The following CASP8 variants were observed in gnomAD, a reference collection of about 807,000 sequenced individuals.
CASP8 encodes the protein caspase 8.
Under a neutral mutation model 46.3 loss-of-function variants are expected in CASP8, and 24 were observed. That is an observed-to-expected ratio of 0.52 (90% CI 0.38 to 0.73). CASP8 has a LOEUF of 0.73. CASP8 is among the 30% of genes least tolerant of loss of function. The pLI, the probability that CASP8 is intolerant of heterozygous loss-of-function variation, is 0.00. For synonymous variants in CASP8, 188 were observed against 200.4 expected (o/e 0.94, Z 0.52); for missense variants, 460 against 559.0 (o/e 0.82, Z 1.79).
intron 2 of CASP8, among the ~76,000 whole-genome samples, chr2:201,249,657 G>A (rs755319646): frequency 6.6e-6 from 1 of 152,162 alleles, no homozygotes; most frequent in African/African-American, 2.4e-5. Flanking sequence ...CGCGGGAGGC[G>A]GAGGTTGCAG....
intron 7 of CASP8, among the ~76,000 whole-genome samples, chr2:201,279,683 G>C (rs1377135128): frequency 6.6e-6 from 1 of 152,194 alleles, no homozygotes; most frequent in African/African-American, 2.4e-5. Flanking sequence ...AGGTAGCTTG[G>C]TACGGTGGCG....
chr2:201,269,310 C>T (rs1948067038), intron 2 of CASP8, among the ~76,000 whole-genome samples: 1 of 152,044 alleles, frequency 6.6e-6, no homozygotes, highest in Non-Finnish European at 1.5e-5. Context: ...TTCTCATATT[C>T]CAGATAGACA....
chr2:201,251,594 C>CAA (rs59005124), intron 2 of CASP8, among the ~76,000 whole-genome samples: 6 of 102,232 alleles, frequency 5.9e-5, no homozygotes, highest in Admixed American at 1.1e-4. Context: ...GACTCTGTGT[C>CAA]AAAAAAAAAA....
intron 2 of CASP8, among the ~76,000 whole-genome samples, chr2:201,249,033 A>C (rs894878905): frequency 6.6e-6 from 1 of 152,176 alleles, no homozygotes; most frequent in African/African-American, 2.4e-5. Context: ...CTGGGACTAC[A>C]GGTGCCCCCC....
intron 7 of CASP8, among the ~76,000 whole-genome samples, chr2:201,283,126 G>T (rs1321722404): frequency 1.1e-4 from 6 of 55,754 alleles, no homozygotes; most frequent in Non-Finnish European, 2.2e-4. Context: ...GGGCGGGGCG[G>T]CTGGCCGGGC....
intron 1 of CASP8, among the ~76,000 whole-genome samples, chr2:201,261,769 C>T (rs1329708419): frequency 1.3e-5 from 2 of 152,122 alleles, no homozygotes; most frequent in South Asian, 2.1e-4. Context: ...TCTCAAGCTT[C>T]GGATGAGATG....
intron 2 of CASP8, among the ~76,000 whole-genome samples, chr2:201,239,757 C>A (rs1422696202): frequency 6.6e-6 from 1 of 152,166 alleles, no homozygotes; most frequent in Non-Finnish European, 1.5e-5. Context: ...GGCGGGCAAT[C>A]CTTACCCGGA....
At chr2:201,285,545 G>A (rs541055046) in intron 8 of CASP8, among the ~76,000 whole-genome samples, 2 of 152,296 alleles carry the variant, frequency 1.3e-5, no homozygotes, top group East Asian at 3.9e-4. Flanking sequence ...TGGGAGAGTG[G>A]CAAGTGTTAA....
At chr2:201,286,430 C>G (rs370375545) in intron 8 of CASP8, 29 bp from the exon 9 acceptor site, 2 of 1,608,222 alleles carry the variant, frequency 1.2e-6, no homozygotes, top group African/African-American at 1.3e-5. Context: ...CCCCCACAGA[C>G]AGTCACAATA....
rs1182373153 is a variant in CASP8 at position 201,266,548 on chromosome 2, C to G, written c.62C>G (p.Ser21Cys). ...GEQLDSEDLA[S>C]LKFLSLDYIP... The stretch of plus-strand genomic sequence containing the variant: ...CAACTGGACAGTGAAGATCTGGCCT[C>G]CCTCAAGTTCCTGAGCCTGGACTAC... Residue 21 changes from serine (S) to cysteine (C), a missense_variant, in exon 2 of 9, where the codon TCC becomes TGC. Physicochemically the swap from Ser to Cys is moderately radical, Grantham distance 112. Transcript: ENST00000673742. The surrounding 1 kb of genome is among the most constrained non-coding windows in gnomAD (Gnocchi z 5.7). 1.2e-6 allele frequency: 2 copies of G among 1,614,096 alleles called. No homozygotes were observed.
intron 2 of CASP8, among the ~76,000 whole-genome samples, chr2:201,238,038 A>T (rs1442181334): frequency 6.6e-6 from 1 of 152,264 alleles, no homozygotes; most frequent in African/African-American, 2.4e-5. Flanking sequence ...GAGATATACT[A>T]GGTGGGAGCA....
In CASP8 at chr2:201,272,369, C is replaced by T. The variant is rs1057079850; in HGVS notation, c.412-269C>T. 6.6e-6 allele frequency among the ~76,000 whole-genome samples: 1 copy of T among 152,024 alleles called. No homozygotes were observed. On this transcript the variant is annotated intron_variant, in intron 3 of 8. Transcript: ENST00000673742. This position sits in a 1 kb window ranked among gnomAD's most constrained non-coding sequence, Gnocchi z 4.4. ...TTTCACAGTCCCCAAGTAATGCATT[C>T]GCAGGAGATTTGAGCACAGGGCCTG...
intron 5 of CASP8, 146 bp from the exon 6 acceptor site, chr2:201,274,743 C>T (rs2125289148): frequency 2.9e-6 from 2 of 691,738 alleles, no homozygotes; most frequent in Middle Eastern, 3.5e-4. Context: ...TCCCAAAGTG[C>T]TGGGATTACC....
rs377204617 is a variant in CASP8 at position 201,285,099 on chromosome 2, G to C, written c.1086G>C (p.Gly362=). 5.6e-6 allele frequency: 9 copies of C among 1,613,972 alleles called. No homozygotes were observed. In the African/African-American group the frequency reaches 1.1e-4, roughly 19 times the overall value. The part of the protein sequence containing the change: ...PKVFFIQACQ[G]DNYQKGIPVE... Reference sequence around the variant, plus strand: ...TGTTTTTTATTCAGGCTTGTCAGGGGGATAACTACCAGAAAGGTATACCTG... The same window carrying C: ...TGTTTTTTATTCAGGCTTGTCAGGGCGATAACTACCAGAAAGGTATACCTG... The change falls in exon 8 of 9, where the codon GGG becomes GGC. Residue 362 remains glycine, a synonymous_variant. Coordinates refer to ENST00000673742, the MANE Select transcript of CASP8 (RefSeq NM_001372051.1).
intron 7 of CASP8, among the ~76,000 whole-genome samples, chr2:201,279,901 T>C (rs1313148644): frequency 1.3e-5 from 2 of 152,016 alleles, no homozygotes; most frequent in East Asian, 1.9e-4. Flanking sequence ...TGCAGTGAGC[T>C]GAGATCGTAC....
intron 7 of CASP8, among the ~76,000 whole-genome samples, chr2:201,282,985 G>T (rs1302041613): frequency 1.5e-5 from 1 of 68,054 alleles, no homozygotes; most frequent in African/African-American, 4.3e-5. Context: ...GCGGCTGGCC[G>T]GGCGGGGGGC....
chr2:201,266,701 T>C lies in CASP8; in HGVS notation c.215T>C (p.Leu72Pro), dbSNP rs746965223. The change falls in exon 2 of 9, where the codon CTG becomes CCG. Residue 72 changes from leucine to proline, a missense_variant. Leu to Pro is a moderately conservative substitution (Grantham distance 98). Transcript: ENST00000673742. The surrounding 1 kb of genome is among the most constrained non-coding windows in gnomAD (Gnocchi z 5.7). Reference protein sequence around the residue: ...LKELLFRINRLDLLITYLNTR... With the variant: ...LKELLFRINRPDLLITYLNTR... ...GAGCTGCTCTTCCGAATTAATAGAC[T>C]GGATTTGCTGATTACCTACCTAAAC... is the stretch of plus-strand genomic sequence containing the variant. 6.2e-7 allele frequency: 1 copy of C among 1,614,122 alleles called. No individual in the cohort carries two copies. Among genetic ancestry groups the C allele is most frequent in the Admixed American group, 1.7e-5 (1 of 60,012 alleles).
rs764925078 is a variant in CASP8 at position 201,272,700 on chromosome 2, C to T, written c.474C>T (p.Asp158=). The change falls in exon 4 of 9, where the codon GAC becomes GAT. Residue 158 remains aspartate (D), a synonymous_variant. Coordinates refer to ENST00000673742, the MANE Select transcript of CASP8 (RefSeq NM_001372051.1). This position sits in a 1 kb window ranked among gnomAD's most constrained non-coding sequence, Gnocchi z 4.4. ...KRVILGEGKL[D]ILKRVCAQIN... is the part of the protein sequence containing the mutation. ...TCATCCTGGGAGAAGGAAAGTTGGA[C>T]ATCCTGAAAAGAGTCTGTGCCCAAA... The T allele has an allele frequency of 3.7e-6, 6 of 1,614,014 alleles. No homozygotes were observed. The highest frequency in any genetic ancestry group is 4.5e-5 in the East Asian group (2 of 44,878).
At chr2:201,284,569 C>G (rs1373243561) in intron 7 of CASP8, among the ~76,000 whole-genome samples, 1 of 67,516 alleles carries the variant, frequency 1.5e-5, no homozygotes, top group Non-Finnish European at 3.3e-5. Flanking sequence ...CGCAGGCACT[C>G]GGCAGGCTGA....
Sources: allele counts gnomAD v4.1 joint callset (sites outside exome capture counted in the v4.1 genomes callset), GRCh38; gene constraint gnomAD v4.1.1; non-coding constraint Gnocchi (gnomAD v3.1); transcripts MANE v1.5; gene names NCBI Gene and HGNC (gene_info 2026-07-23, HGNC 2026-07-21).